The following ZNF77 variants were observed in gnomAD, a reference collection of about 807,000 sequenced individuals.
ZNF77 encodes the protein ZNFpT1.
ZNF77 carries 15 observed loss-of-function variants against 13.5 expected under a neutral mutation model. The ratio of observed to expected loss-of-function variants is 1.11; its 90% CI spans 0.74 to 1.71. The LOEUF is 1.71. ZNF77 is among the 40% of genes most tolerant of loss of function. The probability of loss-of-function intolerance (pLI) is 0.00; values close to 1 mark genes in which losing one functional copy is unlikely to be tolerated. For missense variants in ZNF77, 717 were observed against 676.4 expected (o/e 1.06, Z -0.67); for synonymous variants, 282 against 250.0 (o/e 1.13, Z -1.21).
intron 2 of ZNF77, among the ~76,000 whole-genome samples, chr19:2,938,277 A>AG (rs879690156): frequency 6.6e-6 from 1 of 152,222 alleles, no homozygotes; most frequent in Non-Finnish European, 1.5e-5. Flanking sequence ...CCCCTGAGAC[A>AG]GGCCAACACT....
In ZNF77 at chr19:2,934,353, G is replaced by C; in HGVS notation, c.774C>G (p.His258Gln). The change falls in exon 4 of 4, where the codon CAC (histidine) becomes CAG (glutamine). Residue 258 changes from histidine (H) to glutamine (Q), a missense_variant. By Grantham distance (24) the His-to-Gln change is conservative (BLOSUM62 0). Transcript: ENST00000314531. ...GTTTCTCTCCTGTGTGAGTTCTTAC[G>C]TGCCGTGTAAGGTAGGAGTAATACA... is the stretch of plus-strand genomic sequence containing the variant. Reference protein sequence around the residue: ...TFMYYSYLTRHVRTHTGEKPY... With the variant: ...TFMYYSYLTRQVRTHTGEKPY... The C allele has an allele frequency of 6.2e-7, 1 of 1,614,108 alleles. No homozygotes were observed. The highest frequency in any genetic ancestry group is 8.5e-7 in the Non-Finnish European group (1 of 1,180,028).
At chr19:2,940,313 C>T (rs1173047682) in intron 1 of ZNF77, among the ~76,000 whole-genome samples, 1 of 151,460 alleles carries the variant, frequency 6.6e-6, no homozygotes, top group Non-Finnish European at 1.5e-5. Flanking sequence ...CACTTGAGTT[C>T]AGGAGTTCGA....
intron 1 of ZNF77, among the ~76,000 whole-genome samples, chr19:2,944,039 A>G (rs573645610): frequency 3.0e-4 from 46 of 151,812 alleles, no homozygotes; most frequent in Admixed American, 1.4e-3. Flanking sequence ...AGGCTCCAGG[A>G]CAGGGCACCA....
chr19:2,943,176 A>T (rs1037262993), intron 1 of ZNF77, among the ~76,000 whole-genome samples: 2 of 151,938 alleles, frequency 1.3e-5, no homozygotes, highest in African/African-American at 4.8e-5. Context: ...CCGCAGCTCA[A>T]TCATCAACTG....
chr19:2,942,391 T>C lies in ZNF77; in HGVS notation c.3+2447A>G, dbSNP rs1035797033. ...GGCTCTTTTTTTTTTTTTTTTTTTTTCCAGACAGGGTCTAGCTCTGTTGCC... is the reference window on the plus strand; with the variant it reads ...GGCTCTTTTTTTTTTTTTTTTTTTTCCCAGACAGGGTCTAGCTCTGTTGCC... On this transcript the variant is annotated intron_variant, in intron 1 of 3. Coordinates refer to ENST00000314531, the MANE Select transcript of ZNF77 (RefSeq NM_021217.3). Among the ~76,000 whole-genome samples, 275 of 148,674 alleles carry C rather than the reference T, an allele frequency of 1.8e-3. 2 individuals carry two copies. Among genetic ancestry groups the C allele is most frequent in the African/African-American group, 6.1e-3 (248 of 40,388 alleles).
intron 1 of ZNF77, among the ~76,000 whole-genome samples, chr19:2,942,594 G>A (rs568175478): frequency 1.6e-4 from 24 of 152,058 alleles, no homozygotes; most frequent in Non-Finnish European, 2.9e-4. Context: ...GGACACAGAC[G>A]AGGCTGTTCG....
At position 2,943,013 on chromosome 19, in the gene ZNF77, C is replaced by T. The variant is rs541176616; in HGVS notation, c.3+1825G>A. On this transcript the variant is annotated intron_variant, in intron 1 of 3. Transcript: ENST00000314531. ...GCCAGGCTGGTCTTGAACTCCTGACCTCAGGTGATCCACCTGCCTCAGCCT... is the reference window on the plus strand; with the variant it reads ...GCCAGGCTGGTCTTGAACTCCTGACTTCAGGTGATCCACCTGCCTCAGCCT... Among the ~76,000 whole-genome samples, 3 of 152,186 alleles carry T rather than the reference C, an allele frequency of 2.0e-5. No individual in the cohort carries two copies. In the East Asian group the frequency reaches 5.8e-4, roughly 29 times the overall value.
At position 2,936,604 on chromosome 19, in the gene ZNF77, A is replaced by C; in HGVS notation, c.231T>G (p.Ser77Arg). 2 of 1,611,118 alleles carry C rather than the reference A, an allele frequency of 1.2e-6. No individual in the cohort carries two copies. The highest frequency in any genetic ancestry group is 1.7e-6 in the Non-Finnish European group (2 of 1,179,212). ...TTTCTCCAAAAATAGACCAGGAATC[A>C]CTTCCTGTGAACTTTACAATCTCTT... ...NDEEIVKFTG[S>R]DSWSIFGENW... Residue 77 changes from serine to arginine, a missense_variant, in exon 3 of 4, where the codon AGT (serine) becomes AGG (arginine). Ser to Arg is a moderately radical substitution (Grantham distance 110). Transcript: ENST00000314531.
intron 1 of ZNF77, 102 bp downstream of exon 1, chr19:2,944,736 C>T: frequency 7.1e-7 from 1 of 1,410,042 alleles, no homozygotes; most frequent in Non-Finnish European, 9.3e-7. Flanking sequence ...TGCGCCGCCC[C>T]GCGCGTCCCT....
chr19:2,943,552 T>C (rs2088469159), intron 1 of ZNF77, among the ~76,000 whole-genome samples: 1 of 151,868 alleles, frequency 6.6e-6, no homozygotes, highest in Non-Finnish European at 1.5e-5. Flanking sequence ...GTCAACCTCC[T>C]TTCTGCTTGT....
Position 2,933,544 on chromosome 19 carries a change from G to C in ZNF77, c.1583C>G (p.Thr528Ser), listed in dbSNP as rs2088362153. The C allele has an allele frequency of 1.2e-6, 2 of 1,608,204 alleles. No homozygotes were observed. Among genetic ancestry groups the C allele is most frequent in the Admixed American group, 1.7e-5 (1 of 59,466 alleles). ...TTGAAGCGATGCGAGATACCTGAAG[G>C]TTTTCCCACACTGCTTGCATTCATA... The part of the protein sequence containing the change: ...RPYECKQCGK[T>S]FRYLASLQAH... The change falls in exon 4 of 4, where the codon ACC becomes AGC. Residue 528 changes from threonine to serine, a missense_variant. Coordinates refer to ENST00000314531, the MANE Select transcript of ZNF77 (RefSeq NM_021217.3).
At chr19:2,935,117 C>T (rs2088384370) in intron 3 of ZNF77, among the ~76,000 whole-genome samples, 1 of 152,086 alleles carries the variant, frequency 6.6e-6, no homozygotes, top group Non-Finnish European at 1.5e-5. Context: ...CTCCCAGGTT[C>T]ATGCCATTCT....
At chr19:2,939,456 T>C (rs201474057) in intron 1 of ZNF77, 49 bp from the exon 2 acceptor site, 3 of 1,603,592 alleles carry the variant, frequency 1.9e-6, no homozygotes, top group African/African-American at 1.3e-5. Context: ...GCCTCCCCCA[T>C]GTGCGCAGGA....
Position 2,934,353 on chromosome 19 carries a change from G to A in ZNF77, c.774C>T (p.His258=), listed in dbSNP as rs758952655. 5.0e-5 allele frequency: 80 copies of A among 1,613,990 alleles called. No homozygotes were observed. The highest frequency in any genetic ancestry group is 3.8e-4 in the East Asian group (17 of 44,896). The change falls in exon 4 of 4, where the codon CAC becomes CAT. Residue 258 remains histidine, a synonymous_variant. Coordinates refer to ENST00000314531, the MANE Select transcript of ZNF77 (RefSeq NM_021217.3). ...GTTTCTCTCCTGTGTGAGTTCTTAC[G>A]TGCCGTGTAAGGTAGGAGTAATACA... ...TFMYYSYLTR[H]VRTHTGEKPY...
chr19:2,942,089 T>TC (rs2088453628), intron 1 of ZNF77, among the ~76,000 whole-genome samples: 1 of 151,622 alleles, frequency 6.6e-6, no homozygotes, highest in Admixed American at 6.6e-5. Context: ...TTTTTTTTTT[T>TC]GAGACAGGGT....
At chr19:2,940,662 T>A (rs116302910) in intron 1 of ZNF77, among the ~76,000 whole-genome samples, 2,227 of 136,280 alleles carry the variant, frequency 0.016, 53 homozygotes, top group African/African-American at 0.059. Context: ...ACAGAGTGAG[T>A]CTCCATCACA....
rs543972236 is a variant in ZNF77, at chr19:2,936,992, T to C, written c.131-288A>G. Among the ~76,000 whole-genome samples the C allele has an allele frequency of 6.6e-5, 10 of 151,668 alleles. No homozygotes were observed. In the South Asian group the frequency reaches 1.0e-3, roughly 16 times the overall value. On this transcript the variant is annotated intron_variant, in intron 2 of 3. Transcript: ENST00000314531. ...GAGTTCAAGACAAGCCTGGGCAACATAGGAAAATAAGGAGACCTCATCTCT... is the reference window on the plus strand; with the variant it reads ...GAGTTCAAGACAAGCCTGGGCAACACAGGAAAATAAGGAGACCTCATCTCT...
intron 1 of ZNF77, among the ~76,000 whole-genome samples, chr19:2,943,692 A>ATTTTTTTTTTTTTTTTTTTTTTTTTTT (rs10633206): frequency 1.3e-5 from 1 of 76,770 alleles, no homozygotes; most frequent in African/African-American, 5.3e-5. Context: ...TCTAGCCAGG[A>ATTTTTTTTTTTTTTTTTTTTTTTTTTT]TTTTTTTTTT....
chr19:2,939,077 AGG>A lies in ZNF77; in HGVS notation c.130+202_130+203del, dbSNP rs1239423280. 7.4e-3 allele frequency among the ~76,000 whole-genome samples: 810 copies of A among 109,998 alleles called. 4 individuals are homozygous for A. Among genetic ancestry groups the A allele is most frequent in the Middle Eastern group, 0.017 (3 of 172 alleles). The allele number at this position is 109,998 out of a possible 152,430, so 72.2% of individuals were successfully genotyped here. On this transcript the variant is annotated intron_variant, in intron 2 of 3. Coordinates refer to ENST00000314531, the MANE Select transcript of ZNF77 (RefSeq NM_021217.3). ...GGAATGACGCCATCCTTACCCAAGG[AGG>A]CAGTGAGGGAATGACGCCACCCTTA...
Sources: gnomAD v4.1 joint callset for allele counts (sites outside exome capture counted in the v4.1 genomes callset) on GRCh38, gnomAD v4.1.1 for gene constraint, MANE v1.5 for transcripts, NCBI Gene and HGNC (gene_info 2026-07-23, HGNC 2026-07-21) for gene names.